The following IL23R variants were observed in gnomAD, a reference collection of about 807,000 sequenced individuals.
The protein encoded by IL23R is interleukin 23 receptor.
In IL23R, 34 loss-of-function variants were observed where a neutral mutation model predicts 56.9. The observed-to-expected ratio is 0.60, with a 90% CI of 0.45 to 0.80. The LOEUF (loss-of-function observed/expected upper bound fraction) is 0.80, where lower values mean the gene tolerates loss of function less well. Among genes scored for constraint, IL23R ranks in the 30% least tolerant of loss-of-function variants. IL23R has a pLI of 0.00. For missense variants in IL23R, 635 were observed against 730.0 expected, an observed-to-expected ratio of 0.87 and a Z score of 1.50; for synonymous variants, 230 against 249.2, an observed-to-expected ratio of 0.92 and a Z score of 0.73.
At position 67,228,589 on chromosome 1, in the gene IL23R, A is replaced by C. The variant is rs561167084; in HGVS notation, c.956-8124A>C. Among the ~76,000 whole-genome samples, 68 of 152,170 alleles carry C rather than the reference A, an allele frequency of 4.5e-4. 1 individual carries two copies. The South Asian group carries it at 0.011, about 25-fold the overall frequency. On this transcript the variant is annotated intron_variant, in intron 7 of 10. Coordinates refer to ENST00000347310, the MANE Select transcript of IL23R (RefSeq NM_144701.3). ...CATCACAAACTTGAAAGCTTAAAAC[A>C]ACATGAATTTATTATCTTATAGTTC... is the stretch of plus-strand genomic sequence containing the variant.
intron 9 of IL23R, among the ~76,000 whole-genome samples, chr1:67,241,602 T>A (rs192353802): frequency 2.0e-5 from 3 of 152,354 alleles, no homozygotes; most frequent in African/African-American, 7.2e-5. Context: ...GTTCTCAGCA[T>A]GTAATTCATA....
At chr1:67,155,382 T>G (rs1432959244) in intron 1 of IL23R, among the ~76,000 whole-genome samples, 2 of 152,224 alleles carry the variant, frequency 1.3e-5, no homozygotes, top group African/African-American at 4.8e-5. Context: ...TCCTGAAATA[T>G]GTTTTCCAAC....
At chr1:67,164,176 A>G (rs1646848737), upstream of IL23R, among the ~76,000 whole-genome samples, 1 of 152,224 alleles carries the variant, frequency 6.6e-6, no homozygotes, top group South Asian at 2.1e-4. Flanking sequence ...AACAAAAACA[A>G]TAAAGGCCAG....
chr1:67,205,202 C>T (rs548040578), intron 5 of IL23R, among the ~76,000 whole-genome samples: 9 of 152,316 alleles, frequency 5.9e-5, no homozygotes, highest in Middle Eastern at 3.4e-3. Context: ...GCTACTTCTA[C>T]GCCAGGTGTA....
rs140762921 is a variant in IL23R, at chr1:67,176,718, T to C, written c.368-6118T>C. On this transcript the variant is annotated intron_variant, in intron 3 of 10. Coordinates refer to ENST00000347310, the MANE Select transcript of IL23R (RefSeq NM_144701.3). ...GTTTCATACATATACATGTGCCATG[T>C]TGGTGTGCTGCACCCATTAACTGAT... Among the ~76,000 whole-genome samples the C allele has an allele frequency of 2.6e-5, 4 of 152,302 alleles. No individual in the cohort carries two copies. In the East Asian group the frequency reaches 7.7e-4, roughly 29 times the overall value.
Position 67,182,570 on chromosome 1 carries a change from C to T in IL23R, c.368-266C>T, listed in dbSNP as rs11465787. Among the ~76,000 whole-genome samples the T allele has an allele frequency of 3.1e-3, 478 of 152,326 alleles. 5 individuals carry two copies. The highest frequency in any genetic ancestry group is 0.011 in the African/African-American group (461 of 41,556). ...TTGGCTAGGAAAGGGAATTCCCTGACCCCTTGCACTTCCCGGGTGAGGCAA... is the reference window on the plus strand; with the variant it reads ...TTGGCTAGGAAAGGGAATTCCCTGATCCCTTGCACTTCCCGGGTGAGGCAA... On this transcript the variant is annotated intron_variant, in intron 3 of 10. Coordinates refer to ENST00000347310, the MANE Select transcript of IL23R (RefSeq NM_144701.3).
At chr1:67,253,277 A>G (rs1652750462) in intron 9 of IL23R, among the ~76,000 whole-genome samples, 1 of 152,102 alleles carries the variant, frequency 6.6e-6, no homozygotes, top group African/African-American at 2.4e-5. Flanking sequence ...GTAAAGATCT[A>G]TGGTTAGTTA....
chr1:67,145,594 A>T (rs747383117), intron 1 of IL23R, among the ~76,000 whole-genome samples: 1 of 152,202 alleles, frequency 6.6e-6, no homozygotes, highest in Non-Finnish European at 1.5e-5. Context: ...TCACTTTAAC[A>T]TCTTCACTAT....
At chr1:67,221,920 A>G (rs1046499613) in intron 7 of IL23R, among the ~76,000 whole-genome samples, 6 of 152,134 alleles carry the variant, frequency 3.9e-5, no homozygotes, top group African/African-American at 1.4e-4. Context: ...CTGTAATCCC[A>G]GCACATTGGG....
chr1:67,161,663 CTG>C (rs1173001336), upstream of IL23R, among the ~76,000 whole-genome samples: 1 of 151,848 alleles, frequency 6.6e-6, no homozygotes, highest in African/African-American at 2.4e-5. Flanking sequence ...GAGTCTCACT[CTG>C]TCGCCAGGCT....
At chr1:67,214,259 T>C (rs1649684502) in intron 6 of IL23R, among the ~76,000 whole-genome samples, 1 of 151,838 alleles carries the variant, frequency 6.6e-6, no homozygotes, top group Non-Finnish European at 1.5e-5. Context: ...TAACTAGCTT[T>C]TCAAAGTTGG....
At chr1:67,204,787 G>T (rs1331304632) in intron 5 of IL23R, among the ~76,000 whole-genome samples, 1 of 143,020 alleles carries the variant, frequency 7.0e-6, no homozygotes. Flanking sequence ...TTTTTTTCCA[G>T]GGTTGGGGTT....
At chr1:67,217,451 G>A (rs1015617719) in intron 6 of IL23R, among the ~76,000 whole-genome samples, 3 of 151,984 alleles carry the variant, frequency 2.0e-5, no homozygotes, top group East Asian at 1.9e-4. Context: ...TGTACTTTAC[G>A]GTATTTCTTT....
At chr1:67,228,151 T>TTTCCTTCCTTCC (rs71062406) in intron 7 of IL23R, among the ~76,000 whole-genome samples, 2,547 of 57,794 alleles carry the variant, frequency 0.044, 152 homozygotes, top group African/African-American at 0.048. Flanking sequence ...TGTCTTTCTT[T>TTTCCTTCCTTCC]TTCCTTCCTT....
In IL23R at chr1:67,224,723, A is replaced by G. The variant is rs140149611; in HGVS notation, c.955+4993A>G. On this transcript the variant is annotated intron_variant, in intron 7 of 10. Transcript: ENST00000347310. The stretch of plus-strand genomic sequence containing the variant: ...TTTAATAGGACAAACAAAGCCTTAT[A>G]CTGAAAAAGAAAATCAATCCTCCAG... Among the ~76,000 whole-genome samples the G allele has an allele frequency of 2.0e-3, 307 of 152,314 alleles. 6 individuals carry two copies. In the Middle Eastern group the frequency reaches 0.027, roughly 14 times the overall value.
intron 4 of IL23R, among the ~76,000 whole-genome samples, chr1:67,191,134 A>C (rs1193016834): frequency 1.3e-5 from 2 of 152,194 alleles, no homozygotes; most frequent in East Asian, 3.8e-4. Context: ...CCGGAGAGCC[A>C]CACAGTAATC....
chr1:67,254,220 C>T (rs990402167), intron 9 of IL23R, among the ~76,000 whole-genome samples: 13 of 151,970 alleles, frequency 8.6e-5, no homozygotes, highest in African/African-American at 3.1e-4. Flanking sequence ...AGGCACACAC[C>T]ACCATTTCCA....
At chr1:67,208,991 T>A (rs145831935) in intron 6 of IL23R, among the ~76,000 whole-genome samples, 1 of 152,172 alleles carries the variant, frequency 6.6e-6, no homozygotes, top group African/African-American at 2.4e-5. Context: ...TTTATCAGCA[T>A]AACCTGGATG....
intron 1 of IL23R, among the ~76,000 whole-genome samples, chr1:67,143,477 G>A (rs1419429563): frequency 3.3e-5 from 5 of 152,236 alleles, no homozygotes; most frequent in African/African-American, 1.2e-4. Context: ...GGTCACTGCT[G>A]TGGGAAACTG....
Sources: allele counts gnomAD v4.1 joint callset (sites outside exome capture counted in the v4.1 genomes callset), GRCh38; gene constraint gnomAD v4.1.1; transcripts MANE v1.5; gene names NCBI Gene and HGNC (gene_info 2026-07-23, HGNC 2026-07-21).